TUSC3: variants seen among roughly 807,000 people sequenced by gnomAD.
TUSC3 encodes dolichyl-diphosphooligosaccharide--protein glycosyltransferase subunit TUSC3.
In TUSC3, 45 loss-of-function variants were observed where a neutral mutation model predicts 44.8. The observed-to-expected ratio is 1.00, with a 90% CI of 0.79 to 1.29. TUSC3 has a LOEUF of 1.29. Among genes scored for constraint, TUSC3 ranks in the 50% most tolerant of loss-of-function variants. The pLI is 0.00. For synonymous variants in TUSC3, 212 were observed against 152.9 expected, an observed-to-expected ratio of 1.39 and a Z score of -2.85; for missense variants, 519 against 437.9, an observed-to-expected ratio of 1.19 and a Z score of -1.65.
At chr8:15,544,893 CT>C (rs1203424198) in intron 1 of TUSC3, among the ~76,000 whole-genome samples, 1 of 151,762 alleles carries the variant, frequency 6.6e-6, no homozygotes, top group Non-Finnish European at 1.5e-5. Flanking sequence ...GCCAAAGCTG[CT>C]TGTCAGGAAT....
chr8:15,540,326 G>A lies in TUSC3; in HGVS notation c.-105G>A. On this transcript the variant is annotated 5_prime_UTR_variant, in exon 1 of 11. Coordinates refer to ENST00000503731, the MANE Select transcript of TUSC3 (RefSeq NM_006765.4). ...CTCGCAAAGCCGCTGCCATCCCGGAGGGCCCAGCCAGCGGGCTCCCGGAGG... is the reference window on the plus strand; with the variant it reads ...CTCGCAAAGCCGCTGCCATCCCGGAAGGCCCAGCCAGCGGGCTCCCGGAGG... The A allele has an allele frequency of 1.5e-6, 2 of 1,358,048 alleles. No homozygotes were observed. The highest frequency in any genetic ancestry group is 1.7e-5 in the South Asian group (1 of 57,310). 84.1% of individuals were successfully genotyped at this position (1,358,048 alleles called of 1,614,324 possible).
chr8:15,527,935 T>C (rs1032910813), intron 2 of TUSC3, among the ~76,000 whole-genome samples: 6 of 152,200 alleles, frequency 3.9e-5, no homozygotes, highest in East Asian at 1.9e-4. Context: ...AAAACCAATA[T>C]AGATGAAATT....
the TUSC3 span, among the ~76,000 whole-genome samples, chr8:15,814,157 C>G: frequency 6.6e-6 from 1 of 152,068 alleles, no homozygotes; most frequent in Admixed American, 6.6e-5. Flanking sequence ...GTTTCTCTTA[C>G]CAGAATGAAG....
At chr8:15,843,673 C>A in the TUSC3 span, among the ~76,000 whole-genome samples, 3 of 144,436 alleles carry the variant, frequency 2.1e-5, no homozygotes, top group Non-Finnish European at 4.4e-5. Context: ...TTATAATTAT[C>A]TATATCTATA....
At chr8:15,746,731 C>T (rs1294217711) in intron 8 of TUSC3, among the ~76,000 whole-genome samples, 1 of 151,738 alleles carries the variant, frequency 6.6e-6, no homozygotes, top group Non-Finnish European at 1.5e-5. Context: ...GTGCTTTATT[C>T]TTCTGAAAAA....
chr8:15,629,116 G>A (rs569273699), intron 2 of TUSC3, among the ~76,000 whole-genome samples: 1 of 152,128 alleles, frequency 6.6e-6, no homozygotes, highest in Admixed American at 6.5e-5. Context: ...GATTTTCGAT[G>A]GTATAAAGAA....
rs547144624 is a variant in TUSC3 at position 15,615,923 on chromosome 8, G to A, written c.139-7157G>A. ...TTCCACAGTTCCGTGGCTTGAACTT[G>A]TGGACTCAAGTGATCCTCTGGACTC... On this transcript the variant is annotated intron_variant, in intron 1 of 10. Coordinates refer to ENST00000503731, the MANE Select transcript of TUSC3 (RefSeq NM_006765.4). 5.3e-5 allele frequency among the ~76,000 whole-genome samples: 8 copies of A among 152,298 alleles called. No individual in the cohort carries two copies. The South Asian group carries it at 1.7e-3, about 32-fold the overall frequency.
At chr8:15,427,079 G>GTTTTTTTTTTT in intron 1 of TUSC3, among the ~76,000 whole-genome samples, 1 of 143,210 alleles carries the variant, frequency 7.0e-6, no homozygotes, top group Non-Finnish European at 1.5e-5. Context: ...TTTGGTGTTT[G>GTTTTTTTTTTT]TTTTTTTTTT....
chr8:15,723,450 C>T (rs1158285207), intron 6 of TUSC3, among the ~76,000 whole-genome samples: 1 of 152,176 alleles, frequency 6.6e-6, no homozygotes, highest in Non-Finnish European at 1.5e-5. Flanking sequence ...GAATTTCAAG[C>T]ACAAGATATG....
At chr8:15,819,655 G>A in the TUSC3 span, among the ~76,000 whole-genome samples, 131 of 152,280 alleles carry the variant, frequency 8.6e-4, no homozygotes, top group Non-Finnish European at 1.5e-3. Flanking sequence ...GCCTTGCAAA[G>A]TATATAGAAT....
intron 5 of TUSC3, among the ~76,000 whole-genome samples, chr8:15,669,571 A>G (rs1226293743): frequency 6.6e-6 from 1 of 151,908 alleles, no homozygotes; most frequent in Non-Finnish European, 1.5e-5. Flanking sequence ...ATGGTTTACC[A>G]TGTGAAAATT....
chr8:15,813,779 T>TTA, the TUSC3 span, among the ~76,000 whole-genome samples: 1 of 152,042 alleles, frequency 6.6e-6, no homozygotes, highest in African/African-American at 2.4e-5. Context: ...GTTTTTTTTT[T>TTA]AGCCATTCAG....
chr8:15,614,835 A>G (rs1473298618), intron 1 of TUSC3, among the ~76,000 whole-genome samples: 3 of 151,786 alleles, frequency 2.0e-5, no homozygotes, highest in Admixed American at 6.6e-5. Flanking sequence ...TAATTTATAT[A>G]TGAAACAGAC....
At chr8:15,632,890 T>C (rs1805878850) in intron 2 of TUSC3, among the ~76,000 whole-genome samples, 1 of 152,204 alleles carries the variant, frequency 6.6e-6, no homozygotes, top group Non-Finnish European at 1.5e-5. Context: ...TAGTCTACTT[T>C]CTGGTACAAG....
At chr8:15,646,094 A>G (rs916848966) in intron 2 of TUSC3, among the ~76,000 whole-genome samples, 2 of 152,180 alleles carry the variant, frequency 1.3e-5, no homozygotes, top group East Asian at 3.8e-4. Context: ...GTAGTGCTAC[A>G]CAGTCGCTGA....
At chr8:15,592,304 C>G (rs761236928) in intron 1 of TUSC3, among the ~76,000 whole-genome samples, 2 of 152,216 alleles carry the variant, frequency 1.3e-5, no homozygotes, top group Non-Finnish European at 1.5e-5. Flanking sequence ...GCAGTAACAT[C>G]TAATGCTTAT....
chr8:15,588,574 T>C (rs181263075), intron 1 of TUSC3, among the ~76,000 whole-genome samples: 54 of 152,258 alleles, frequency 3.5e-4, no homozygotes, highest in African/African-American at 1.3e-3. Flanking sequence ...GTCCAATTTG[T>C]CTATTTTTGT....
chr8:15,554,050 C>T (rs960678129), intron 1 of TUSC3, among the ~76,000 whole-genome samples: 4 of 151,614 alleles, frequency 2.6e-5, no homozygotes, highest in Non-Finnish European at 5.9e-5. Flanking sequence ...ACCTCAGATC[C>T]GTGTCTGGTG....
the TUSC3 span, among the ~76,000 whole-genome samples, chr8:15,810,494 T>G: frequency 6.6e-6 from 1 of 151,724 alleles, no homozygotes; most frequent in African/African-American, 2.4e-5. Context: ...AAAACTTAGC[T>G]GGGTGTGGTG....
Sources: allele counts gnomAD v4.1 joint callset (sites outside exome capture counted in the v4.1 genomes callset), GRCh38; gene constraint gnomAD v4.1.1; transcripts MANE v1.5; gene names NCBI Gene and HGNC (gene_info 2026-07-23, HGNC 2026-07-21).